THEMIS: variants seen among roughly 807,000 people sequenced by gnomAD.
The protein encoded by THEMIS is thymocyte selection associated.
Under a neutral mutation model 52.6 loss-of-function variants are expected in THEMIS, and 37 were observed. The ratio of observed to expected loss-of-function variants is 0.70; its 90% CI spans 0.54 to 0.93. THEMIS has a LOEUF of 0.93. Ranked by LOEUF, THEMIS falls within the 40% of genes least tolerant of loss-of-function variation. The pLI is 0.00. For synonymous variants in THEMIS, 292 were observed against 272.7 expected, an observed-to-expected ratio of 1.07 and a Z score of -0.70; for missense variants, 808 against 763.1, an observed-to-expected ratio of 1.06 and a Z score of -0.69.
chr6:127,752,246 G>A (rs529150836), intron 4 of THEMIS, among the ~76,000 whole-genome samples: 4 of 151,270 alleles, frequency 2.6e-5, no homozygotes, highest in East Asian at 1.9e-4. Flanking sequence ...TTTACACCTC[G>A]AGGAACTAGA....
intron 4 of THEMIS, among the ~76,000 whole-genome samples, chr6:127,788,467 G>C (rs1436037721): frequency 6.6e-6 from 1 of 152,074 alleles, no homozygotes; most frequent in Non-Finnish European, 1.5e-5. Context: ...TGCTTTATTT[G>C]CCAATATTGA....
chr6:127,904,605 C>T (rs1781222267), upstream of THEMIS, among the ~76,000 whole-genome samples: 3 of 151,990 alleles, frequency 2.0e-5, no homozygotes, highest in Non-Finnish European at 4.4e-5. Context: ...AAAAATACAA[C>T]ATCTATAATT....
intron 4 of THEMIS, among the ~76,000 whole-genome samples, chr6:127,796,725 G>A (rs892116477): frequency 2.4e-4 from 36 of 152,174 alleles, no homozygotes; most frequent in South Asian, 8.3e-4. Flanking sequence ...GTATAGACAC[G>A]CACACATAAA....
chr6:127,781,534 T>C (rs1021006639), intron 4 of THEMIS, among the ~76,000 whole-genome samples: 9 of 152,138 alleles, frequency 5.9e-5, no homozygotes, highest in African/African-American at 2.2e-4. Flanking sequence ...GATTTATCTA[T>C]CTTTTGTCTT....
At chr6:127,859,986 T>G (rs1779742852) in intron 1 of THEMIS, among the ~76,000 whole-genome samples, 1 of 152,134 alleles carries the variant, frequency 6.6e-6, no homozygotes, top group African/African-American at 2.4e-5. Context: ...AATGTTTAAG[T>G]GTAAAACTAT....
intron 1 of THEMIS, chr6:127,909,739 T>A (rs1022371370): frequency 1.3e-5 from 2 of 152,028 alleles, no homozygotes; most frequent in Non-Finnish European, 2.9e-5. Flanking sequence ...CACATAAACA[T>A]AAAACAACAA....
At chr6:127,765,341 G>A (rs1256897195) in intron 4 of THEMIS, among the ~76,000 whole-genome samples, 1 of 152,026 alleles carries the variant, frequency 6.6e-6, no homozygotes, top group Non-Finnish European at 1.5e-5. Context: ...GATAAAGAGA[G>A]AACAATAAAA....
chr6:127,856,971 T>C (rs1256111995), intron 1 of THEMIS, among the ~76,000 whole-genome samples: 1 of 151,948 alleles, frequency 6.6e-6, no homozygotes, highest in Non-Finnish European at 1.5e-5. Context: ...TTTTTATGAC[T>C]CCCAATTCAA....
intron 1 of THEMIS, among the ~76,000 whole-genome samples, chr6:127,876,085 A>C (rs923968410): frequency 1.3e-5 from 2 of 152,234 alleles, no homozygotes; most frequent in African/African-American, 4.8e-5. Context: ...AGAAAACTCA[A>C]GAAGAATATA....
chr6:127,911,287 G>C (rs1781404785), intron 1 of THEMIS, among the ~76,000 whole-genome samples: 1 of 151,086 alleles, frequency 6.6e-6, no homozygotes, highest in Non-Finnish European at 1.5e-5. Context: ...AGCTCCTTGA[G>C]GGAGGAATAT....
chr6:127,870,091 G>A (rs760731986), intron 1 of THEMIS, among the ~76,000 whole-genome samples: 2 of 152,152 alleles, frequency 1.3e-5, no homozygotes, highest in South Asian at 2.1e-4. Flanking sequence ...AGGAGAGCCT[G>A]GACTTCCACT....
chr6:127,707,098 A>G (rs1262888609), downstream of THEMIS, among the ~76,000 whole-genome samples: 2 of 152,100 alleles, frequency 1.3e-5, no homozygotes, highest in Non-Finnish European at 2.9e-5. Context: ...AAAAGCCTTT[A>G]TAAAAGCCAT....
At chr6:127,832,153 G>A (rs1583328015) in intron 2 of THEMIS, among the ~76,000 whole-genome samples, 1 of 152,038 alleles carries the variant, frequency 6.6e-6, no homozygotes, top group South Asian at 2.1e-4. Flanking sequence ...ATCTTTCTTG[G>A]GGAATAGAGC....
At chr6:127,896,394 T>A (rs1488786564) in intron 1 of THEMIS, among the ~76,000 whole-genome samples, 1 of 151,232 alleles carries the variant, frequency 6.6e-6, no homozygotes, top group Non-Finnish European at 1.5e-5. Flanking sequence ...CCATTTAAAA[T>A]GGCATGAAAA....
chr6:127,827,341 T>C (rs1156277039), intron 3 of THEMIS, among the ~76,000 whole-genome samples: 7 of 152,268 alleles, frequency 4.6e-5, no homozygotes, highest in Middle Eastern at 3.4e-3. Flanking sequence ...TCAATACACA[T>C]GCAATCCAGT....
chr6:127,792,475 T>G (rs1480892083), intron 4 of THEMIS, among the ~76,000 whole-genome samples: 1 of 152,174 alleles, frequency 6.6e-6, no homozygotes, highest in East Asian at 1.9e-4. Flanking sequence ...ACCATTATGT[T>G]TTATTATTAT....
chr6:127,726,388 A>G (rs1774548724), intron 4 of THEMIS, among the ~76,000 whole-genome samples: 1 of 152,174 alleles, frequency 6.6e-6, no homozygotes, highest in African/African-American at 2.4e-5. Flanking sequence ...GACTAGACCC[A>G]AGAAAAACCA....
At chr6:127,779,046 T>C (rs939689583) in intron 4 of THEMIS, among the ~76,000 whole-genome samples, 3 of 152,042 alleles carry the variant, frequency 2.0e-5, no homozygotes, top group Admixed American at 6.6e-5. Context: ...CTGAGAAACA[T>C]AGGCAAAGAT....
intron 4 of THEMIS, among the ~76,000 whole-genome samples, chr6:127,803,215 G>C (rs945289118): frequency 3.9e-5 from 6 of 152,156 alleles, no homozygotes; most frequent in South Asian, 2.1e-4. Flanking sequence ...GCTGTATTCA[G>C]GTATGATTGA....
Sources: allele counts gnomAD v4.1 joint callset (sites outside exome capture counted in the v4.1 genomes callset), GRCh38; gene constraint gnomAD v4.1.1; transcripts MANE v1.5; gene names NCBI Gene and HGNC (gene_info 2026-07-23, HGNC 2026-07-21).